SERHL2: variants seen among roughly 807,000 people sequenced by gnomAD.
SERHL2 encodes the protein serine hydrolase like 2, also known as serine hydrolase-like protein 2.
In SERHL2, 29 loss-of-function variants were observed where a neutral mutation model predicts 25.5. The ratio of observed to expected loss-of-function variants is 1.14; its 90% CI spans 0.85 to 1.55. The LOEUF (loss-of-function observed/expected upper bound fraction) is 1.55. SERHL2 is among the 40% of genes most tolerant of loss of function. The probability of loss-of-function intolerance (pLI) is 0.00; values close to 1 mark genes in which losing one functional copy is unlikely to be tolerated. For missense variants in SERHL2, 240 were observed against 252.3 expected (o/e 0.95, Z 0.33); for synonymous variants, 95 against 103.5 (o/e 0.92, Z 0.50).
intron 8 of SERHL2, 106 bp from the exon 9 acceptor site, chr22:42,566,198 A>G (rs1923353660): frequency 1.1e-5 from 12 of 1,132,132 alleles, no homozygotes; most frequent in Admixed American, 1.8e-5. Context: ...GGTGGGAGAA[A>G]TGGGCCCTGG....
At chr22:42,560,137 T>G in intron 7 of SERHL2, 49 bp from the exon 8 acceptor site, 1 of 1,428,242 alleles carries the variant, frequency 7.0e-7, no homozygotes, top group Non-Finnish European at 9.9e-7. Flanking sequence ...TTATCTGACC[T>G]CCTTTTTATT....
chr22:42,564,973 T>TCAC, intron 8 of SERHL2: 1 of 141,836 alleles, frequency 7.1e-6, no homozygotes, highest in African/African-American at 2.7e-5. Flanking sequence ...CGCGCGTGTG[T>TCAC]GTGTGTGTGT....
rs554259984 is a variant in SERHL2, at chr22:42,572,599, T to A, written c.825+70T>A. 14 of 1,573,580 alleles carry A rather than the reference T, an allele frequency of 8.9e-6. No homozygotes were observed. In the South Asian group the frequency reaches 1.2e-4, roughly 13 times the overall value. ...CTCTGGTCCCACCTCACCCATCTCT[T>A]CTCATGCACTGGGAAGACCCTGGGT... On this transcript the variant is annotated intron_variant, in intron 11 of 11. Coordinates refer to ENST00000327678, the MANE Select transcript of SERHL2 (RefSeq NM_014509.5).
intron 8 of SERHL2, among the ~76,000 whole-genome samples, chr22:42,562,559 G>T (rs985778899): frequency 1.3e-5 from 2 of 151,828 alleles, no homozygotes; most frequent in African/African-American, 4.8e-5. Flanking sequence ...AGAGTGGGGA[G>T]GGCAGCGAGC....
chr22:42,560,035 C>T, intron 7 of SERHL2, 151 bp from the exon 8 acceptor site: 1 of 622,852 alleles, frequency 1.6e-6, no homozygotes, highest in Admixed American at 2.6e-5. Context: ...TGGTCTCAAA[C>T]TCCTGACCTC....
intron 8 of SERHL2, among the ~76,000 whole-genome samples, chr22:42,561,556 T>C (rs1245632470): frequency 2.0e-5 from 3 of 151,406 alleles, no homozygotes; most frequent in South Asian, 2.1e-4. Flanking sequence ...GTAGGGACTT[T>C]GGAGCTGGAG....
intron 11 of SERHL2, 39 bp downstream of exon 11, chr22:42,572,568 C>G (rs758420276): frequency 2.4e-5 from 38 of 1,606,102 alleles, no homozygotes; most frequent in South Asian, 3.3e-5. Flanking sequence ...CAGCCACTGT[C>G]GCCCACTCTG....
At chr22:42,560,013 T>C (rs372467947) in intron 7 of SERHL2, among the ~76,000 whole-genome samples, 173 bp from the exon 8 acceptor site, 30 of 152,032 alleles carry the variant, frequency 2.0e-4, no homozygotes, top group African/African-American at 5.8e-4. Context: ...GGTTTTACCA[T>C]GTTGGCCAGG....
intron 10 of SERHL2, among the ~76,000 whole-genome samples, chr22:42,572,108 TTC>T (rs1924308831): frequency 6.6e-6 from 1 of 152,052 alleles, no homozygotes; most frequent in Non-Finnish European, 1.5e-5. Context: ...AAGACATAAA[TTC>T]TCTCTCAGAG....
At position 42,572,519 on chromosome 22, in the gene SERHL2, C is replaced by T. The variant is rs1190028339; in HGVS notation, c.815C>T (p.Thr272Ile). The T allele has an allele frequency of 6.2e-6, 10 of 1,611,842 alleles. 1 individual carries two copies. The highest frequency in any genetic ancestry group is 1.7e-5 in the Admixed American group (1 of 59,954). ...TTCATGATAGACACGATGAAATCCA[C>T]CCTCAAAGAGGTAAGACGGGGCTCA... is the stretch of plus-strand genomic sequence containing the variant. Reference protein sequence around the residue: ...LSFMIDTMKSTLKEQFQFVEV... With the variant: ...LSFMIDTMKSILKEQFQFVEV... The change falls in exon 11 of 12, where the codon ACC (threonine) becomes ATC (isoleucine). Residue 272 changes from threonine to isoleucine, a missense_variant. By Grantham distance (89) the Thr-to-Ile change is moderately conservative. Around this residue, in one of 4 missense-constraint regions of SERHL2, gnomAD observed 212 missense variants for 168.9 expected, o/e 1.25. Coordinates refer to ENST00000327678, the MANE Select transcript of SERHL2 (RefSeq NM_014509.5).
intron 10 of SERHL2, chr22:42,571,937 CG>C (rs1168621363): frequency 1.6e-3 from 9 of 5,582 alleles, no homozygotes; most frequent in Admixed American, 9.9e-3. Context: ...CTGTTGGGGG[CG>C]GGGGGCGGGG....
In SERHL2 at chr22:42,567,569, C is replaced by T. The variant is rs571639385; in HGVS notation, c.648+1231C>T. On this transcript the variant is annotated intron_variant, in intron 9 of 11. Coordinates refer to ENST00000327678, the MANE Select transcript of SERHL2 (RefSeq NM_014509.5). ...GTCCCAGCTACTCGGGAGGCTGAGG[C>T]AGGAGAATGGCGTGAACCCGGGAAG... Among the ~76,000 whole-genome samples, 10 of 151,392 alleles carry T rather than the reference C, an allele frequency of 6.6e-5. No homozygotes were observed. In the South Asian group the frequency reaches 2.1e-3, roughly 31 times the overall value.
At chr22:42,561,628 G>A (rs1922694682) in intron 8 of SERHL2, among the ~76,000 whole-genome samples, 1 of 151,742 alleles carries the variant, frequency 6.6e-6, no homozygotes, top group Non-Finnish European at 1.5e-5. Context: ...GTCTCGTGTG[G>A]CCAGAATTAC....
rs201927369 is a variant in SERHL2 at position 42,554,009 on chromosome 22, G to C, written c.-12G>C. Reference sequence around the variant, plus strand: ...GAGGGAGTGACAGCAGCGCATTCGCGGGACGAGAGCGATGAGTGAGAACGC... The same window carrying C: ...GAGGGAGTGACAGCAGCGCATTCGCCGGACGAGAGCGATGAGTGAGAACGC... On this transcript the variant is annotated 5_prime_UTR_variant, in exon 1 of 12. Coordinates refer to ENST00000327678, the MANE Select transcript of SERHL2 (RefSeq NM_014509.5). 2.0e-4 allele frequency: 320 copies of C among 1,613,498 alleles called. 1 individual carries two copies. The African/African-American group carries it at 3.3e-3, about 17-fold the overall frequency.
At chr22:42,559,899 C>T (rs781310165) in intron 7 of SERHL2, among the ~76,000 whole-genome samples, 1 of 151,854 alleles carries the variant, frequency 6.6e-6, no homozygotes, top group Non-Finnish European at 1.5e-5. Flanking sequence ...GCAACCTCTG[C>T]CTCCTGGGTT....
Position 42,560,226 on chromosome 22 carries a change from G to C in SERHL2, c.574G>C (p.Glu192Gln). The change falls in exon 8 of 12, where the codon GAG becomes CAG. Residue 192 changes from glutamate to glutamine, a missense_variant. Physicochemically the swap from Glu to Gln is conservative, Grantham distance 29. Around this residue, in one of 4 missense-constraint regions of SERHL2, gnomAD observed 212 missense variants for 168.9 expected, o/e 1.25. Transcript: ENST00000327678. ...TAGCCACTTGAGTGAGGAGTGCGGG[G>C]AGCTTCTCCTGCAAAGAGGAACCAC... is the stretch of plus-strand genomic sequence containing the variant. ...SNSHLSEECGELLLQRGTTKV... is the reference protein window; with the variant it reads ...SNSHLSEECGQLLLQRGTTKV... 1 of 1,613,142 alleles carries C rather than the reference G, an allele frequency of 6.2e-7. No individual in the cohort carries two copies. The highest frequency in any genetic ancestry group is 8.5e-7 in the Non-Finnish European group (1 of 1,179,378).
At position 42,574,367 on chromosome 22, in the gene SERHL2, G is replaced by C; in HGVS notation, c.*312G>C. ...CTGCCCAACTGGATGGAAAATAAAA[G>C]GTTCTTGTATTCTCACTGCTTTTGA... On this transcript the variant is annotated 3_prime_UTR_variant, in exon 12 of 12. Transcript: ENST00000327678. 3 of 503,394 alleles carry C rather than the reference G, an allele frequency of 6.0e-6. No individual in the cohort carries two copies. Among genetic ancestry groups the C allele is most frequent in the East Asian group, 3.6e-5 (1 of 27,708 alleles). The allele number at this position is 503,394 out of a possible 1,614,324, so 31.2% of individuals were successfully genotyped here.
chr22:42,571,768 C>T (rs117652355), intron 10 of SERHL2: 15,931 of 153,870 alleles, frequency 0.1, 1,178 homozygotes, highest in Admixed American at 0.17. Flanking sequence ...AGCACTGACA[C>T]GGGCTCCAGC....
chr22:42,561,122 A>AGT (rs946194221), intron 8 of SERHL2, among the ~76,000 whole-genome samples: 1 of 151,840 alleles, frequency 6.6e-6, no homozygotes, highest in African/African-American at 2.4e-5. Context: ...CAGGCACATG[A>AGT]GTGGTTAGAC....
Sources: allele counts gnomAD v4.1 joint callset (sites outside exome capture counted in the v4.1 genomes callset), GRCh38; gene constraint gnomAD v4.1.1; regional missense constraint gnomAD v4.1.1; transcripts MANE v1.5; gene names NCBI Gene and HGNC (gene_info 2026-07-23, HGNC 2026-07-21).